GOLT1B: variants seen among roughly 807,000 people sequenced by gnomAD.
The protein encoded by GOLT1B is golgi transport 1B, also known as vesicle transport protein GOT1B.
Under a neutral mutation model 15.4 loss-of-function variants are expected in GOLT1B, and 3 were observed. The observed-to-expected ratio is 0.19, with a 90% CI of 0.09 to 0.50. The LOEUF (loss-of-function observed/expected upper bound fraction) is 0.50, where lower values mean the gene tolerates loss of function less well. Ranked by LOEUF, GOLT1B falls within the 20% of genes least tolerant of loss-of-function variation. GOLT1B has a pLI of 0.97. For synonymous variants in GOLT1B, 65 were observed against 56.2 expected (o/e 1.16, Z -0.70); for missense variants, 145 against 160.4 (o/e 0.90, Z 0.52).
At chr12:21,501,973 G>A (rs367753007) in intron 1 of GOLT1B, 25 bp downstream of exon 1, 23 of 1,568,108 alleles carry the variant, frequency 1.5e-5, no homozygotes, top group Non-Finnish European at 1.9e-5. Flanking sequence ...CGGGGCCCCC[G>A]CCTCGAGCCG....
Position 21,516,664 on chromosome 12 carries a change from GATA to G in GOLT1B, c.*960_*962del, listed in dbSNP as rs1943757990. The G allele has an allele frequency of 6.6e-6, 1 of 151,494 alleles. No homozygotes were observed. The allele number at this position is 151,494 out of a possible 1,614,324, so 9.4% of individuals were successfully genotyped here. On this transcript the variant is annotated 3_prime_UTR_variant, in exon 5 of 5. Transcript: ENST00000229314. ...TTTTTCATAAATTAAAATAACTTTTGATAATGTTTACTTTAAGACATGTAACAT... is the reference window on the plus strand; with the variant it reads ...TTTTTCATAAATTAAAATAACTTTTGATGTTTACTTTAAGACATGTAACAT...
At chr12:21,502,436 C>T (rs772036705) in intron 1 of GOLT1B, among the ~76,000 whole-genome samples, 1 of 152,164 alleles carries the variant, frequency 6.6e-6, no homozygotes, top group Non-Finnish European at 1.5e-5. Flanking sequence ...AATGTCCTTA[C>T]GCTTAAATGT....
At chr12:21,513,821 A>G (rs557510487) in intron 4 of GOLT1B, among the ~76,000 whole-genome samples, 50 of 152,306 alleles carry the variant, frequency 3.3e-4, no homozygotes, top group Non-Finnish European at 5.7e-4. Context: ...AAGAGAAAGG[A>G]AAGGAGAAAG....
rs573496904 is a variant in GOLT1B, at chr12:21,509,229, T to C, written c.296+668T>C. 7.2e-5 allele frequency among the ~76,000 whole-genome samples: 11 copies of C among 151,750 alleles called. No individual in the cohort carries two copies. In the South Asian group the frequency reaches 2.3e-3, roughly 32 times the overall value. ...GCCTGGCCAGCATGATGAAACCCCGTCTCTACTAAAAATTCAAAAATTAGC... is the reference window on the plus strand; with the variant it reads ...GCCTGGCCAGCATGATGAAACCCCGCCTCTACTAAAAATTCAAAAATTAGC... On this transcript the variant is annotated intron_variant, in intron 3 of 4. Coordinates refer to ENST00000229314, the MANE Select transcript of GOLT1B (RefSeq NM_016072.5).
chr12:21,504,648 G>A (rs1043162521), intron 1 of GOLT1B: 3 of 400,896 alleles, frequency 7.5e-6, no homozygotes, highest in East Asian at 8.4e-5. Context: ...TCAAGAACAA[G>A]TTACTGAATT....
At chr12:21,508,250 T>G (rs961260569) in intron 2 of GOLT1B, 133 bp from the exon 3 acceptor site, 108 of 617,394 alleles carry the variant, frequency 1.7e-4, no homozygotes, top group Non-Finnish European at 2.8e-5. Context: ...ATTACAGTTC[T>G]GTCTGGCCAG....
In GOLT1B at chr12:21,515,725, G is replaced by A; in HGVS notation, c.*18G>A. On this transcript the variant is annotated 3_prime_UTR_variant, in exon 5 of 5. Coordinates refer to ENST00000229314, the MANE Select transcript of GOLT1B (RefSeq NM_016072.5). ...TGGTATAACAACAAGTGAATTTGAAGACTCATTTAAAATATTGTGTTATTT... is the reference window on the plus strand; with the variant it reads ...TGGTATAACAACAAGTGAATTTGAAAACTCATTTAAAATATTGTGTTATTT... 1 of 1,107,422 alleles carries A rather than the reference G, an allele frequency of 9.0e-7. No homozygotes were observed. The allele number at this position is 1,107,422 out of a possible 1,614,324, so 68.6% of individuals were successfully genotyped here.
chr12:21,506,575 AAAC>A (rs1171689394), intron 1 of GOLT1B, among the ~76,000 whole-genome samples: 1 of 152,052 alleles, frequency 6.6e-6, no homozygotes, highest in African/African-American at 2.4e-5. Context: ...AGGAGGAAAA[AAAC>A]AAATTACATA....
intron 4 of GOLT1B, among the ~76,000 whole-genome samples, chr12:21,513,607 C>A (rs1028646326): frequency 6.6e-6 from 1 of 151,946 alleles, no homozygotes; most frequent in Admixed American, 6.6e-5. Context: ...GCCACCACAC[C>A]CAGCCTTACC....
At chr12:21,512,410 T>TA in intron 4 of GOLT1B, 34 bp downstream of exon 4, 1 of 972,360 alleles carries the variant, frequency 1.0e-6, no homozygotes, top group South Asian at 1.4e-5. Context: ...GCCAACAAAA[T>TA]ACGTATTTTG....
rs1319000925 is a variant in GOLT1B, at chr12:21,515,730, A to G, written c.*23A>G. The G allele has an allele frequency of 2.0e-6, 2 of 1,016,210 alleles. No homozygotes were observed. The highest frequency in any genetic ancestry group is 1.6e-5 in the African/African-American group (1 of 62,056). The allele number at this position is 1,016,210 out of a possible 1,614,324, so 62.9% of individuals were successfully genotyped here. A position where few individuals can be genotyped will look rare whatever the true frequency, so the allele number is the denominator to read the frequency against. ...TAACAACAAGTGAATTTGAAGACTCATTTAAAATATTGTGTTATTTATAAA... is the reference window on the plus strand; with the variant it reads ...TAACAACAAGTGAATTTGAAGACTCGTTTAAAATATTGTGTTATTTATAAA... On this transcript the variant is annotated 3_prime_UTR_variant, in exon 5 of 5. Transcript: ENST00000229314.
At chr12:21,511,331 C>T (rs1051188136) in intron 3 of GOLT1B, among the ~76,000 whole-genome samples, 1 of 149,306 alleles carries the variant, frequency 6.7e-6, no homozygotes, top group Admixed American at 6.7e-5. Context: ...TCGCAGATCC[C>T]CCCCCACCCT....
Position 21,512,325 on chromosome 12 carries a change from T to G in GOLT1B, c.327T>G (p.Ile109Met). 6.3e-7 allele frequency: 1 copy of G among 1,582,078 alleles called. No homozygotes were observed. Among genetic ancestry groups the G allele is most frequent in the South Asian group, 1.1e-5 (1 of 90,202 alleles). The change falls in exon 4 of 5, where the codon ATT becomes ATG. Residue 109 changes from isoleucine to methionine, a missense_variant. Physicochemically the swap from Ile to Met is conservative, Grantham distance 10. Transcript: ENST00000229314. ...RGFFPVVVGF[I>M]RRVPVLGSLL... ...TCTTTCCTGTCGTTGTTGGCTTTAT[T>G]AGAAGAGTGCCAGTCCTTGGATCCC...
At chr12:21,503,922 C>T (rs1383866761) in intron 1 of GOLT1B, among the ~76,000 whole-genome samples, 3 of 152,194 alleles carry the variant, frequency 2.0e-5, no homozygotes, top group African/African-American at 7.2e-5. Context: ...GGCATGCTGC[C>T]TCTAAATCTT....
chr12:21,509,850 G>A (rs550216295), intron 3 of GOLT1B, among the ~76,000 whole-genome samples: 22 of 152,328 alleles, frequency 1.4e-4, no homozygotes, highest in African/African-American at 5.1e-4. Context: ...ACAGGAGCAT[G>A]TGATCAGTTG....
At chr12:21,504,864 C>T (rs188263213) in intron 1 of GOLT1B, among the ~76,000 whole-genome samples, 87 of 152,224 alleles carry the variant, frequency 5.7e-4, no homozygotes, top group African/African-American at 2.0e-3. Flanking sequence ...AAACTTGAAT[C>T]CCCTAAAAGA....
At chr12:21,514,027 T>A (rs969567118) in intron 4 of GOLT1B, among the ~76,000 whole-genome samples, 1 of 152,224 alleles carries the variant, frequency 6.6e-6, no homozygotes, top group African/African-American at 2.4e-5. Context: ...CAAGACCAGA[T>A]GACTGTCTCT....
intron 1 of GOLT1B, among the ~76,000 whole-genome samples, chr12:21,505,131 A>G (rs1361934810): frequency 6.6e-6 from 1 of 152,170 alleles, no homozygotes; most frequent in Non-Finnish European, 1.5e-5. Context: ...TAGTATTGGA[A>G]GTATTAAGTT....
intron 2 of GOLT1B, chr12:21,507,364 C>T (rs1358591821): frequency 4.9e-6 from 1 of 204,716 alleles, no homozygotes; most frequent in African/African-American, 2.4e-5. Context: ...TTTTTTTAAC[C>T]TTTTTAAAAA....
Sources: allele counts gnomAD v4.1 joint callset (sites outside exome capture counted in the v4.1 genomes callset), GRCh38; gene constraint gnomAD v4.1.1; transcripts MANE v1.5; gene names NCBI Gene and HGNC (gene_info 2026-07-23, HGNC 2026-07-21).